Variants in KDM7A observed in about 807,000 individuals in gnomAD.
KDM7A encodes the protein lysine-specific demethylase 7A.
In KDM7A, 28 loss-of-function variants were observed where a neutral mutation model predicts 114.8. The ratio of observed to expected loss-of-function variants is 0.24; its 90% CI spans 0.18 to 0.33. KDM7A has a LOEUF of 0.33. Among genes scored for constraint, KDM7A ranks in the 10% least tolerant of loss-of-function variants. KDM7A has a pLI of 1.00. For missense variants in KDM7A, 942 were observed against 1,142.5 expected (o/e 0.82, Z 2.53); for synonymous variants, 423 against 397.8 (o/e 1.06, Z -0.75).
rs375260520 is a variant in KDM7A at position 140,097,845 on chromosome 7, T to C, written c.1919-203A>G. The stretch of plus-strand genomic sequence containing the variant: ...ATTGGCCAAGACACAGACTGAAGTA[T>C]ATTCTCAAATATTAAGTGTGGTATT... On this transcript the variant is annotated intron_variant, in intron 14 of 19. Transcript: ENST00000397560. Among the ~76,000 whole-genome samples the C allele has an allele frequency of 3.9e-5, 6 of 152,330 alleles. No homozygotes were observed. The South Asian group carries it at 6.2e-4, about 16-fold the overall frequency.
intron 7 of KDM7A, 97 bp from the exon 8 acceptor site, chr7:140,120,626 A>G (rs922527725): frequency 1.3e-5 from 9 of 706,784 alleles, no homozygotes; most frequent in Non-Finnish European, 2.3e-5. Flanking sequence ...TATCAATATC[A>G]GTTTACTTCA....
At chr7:140,127,009 G>C (rs984436245) in intron 5 of KDM7A, among the ~76,000 whole-genome samples, 186 bp from the exon 6 acceptor site, 1 of 152,240 alleles carries the variant, frequency 6.6e-6, no homozygotes. Context: ...GCCTAGGCTA[G>C]AGTGCAGTGG....
chr7:140,100,969 C>T (rs541615000), intron 12 of KDM7A, among the ~76,000 whole-genome samples: 1 of 150,594 alleles, frequency 6.6e-6, no homozygotes, highest in African/African-American at 2.4e-5. Context: ...ACCGTGGTCT[C>T]GATCTCCTGA....
At chr7:140,156,247 A>T (rs899246702) in intron 1 of KDM7A, among the ~76,000 whole-genome samples, 5 of 152,250 alleles carry the variant, frequency 3.3e-5, no homozygotes, top group African/African-American at 1.2e-4. Flanking sequence ...CAGCTTTCAT[A>T]TTCTACTTTG....
chr7:140,100,687 T>C (rs865863908), intron 12 of KDM7A, among the ~76,000 whole-genome samples: 130 of 40,852 alleles, frequency 3.2e-3, no homozygotes, highest in Non-Finnish European at 5.0e-3. Context: ...TATACATATA[T>C]ACATATATAT....
chr7:140,146,690 T>C (rs1794343283), intron 1 of KDM7A, among the ~76,000 whole-genome samples: 1 of 152,224 alleles, frequency 6.6e-6, no homozygotes, highest in Non-Finnish European at 1.5e-5. Flanking sequence ...ATCTGACCTT[T>C]GCTGAATAGC....
chr7:140,162,135 C>T (rs1459435791), intron 1 of KDM7A, among the ~76,000 whole-genome samples: 1 of 151,882 alleles, frequency 6.6e-6, no homozygotes, highest in Non-Finnish European at 1.5e-5. Flanking sequence ...TGGGAGTTTG[C>T]GACCAGCCTG....
intron 3 of KDM7A, among the ~76,000 whole-genome samples, chr7:140,132,625 C>T (rs568910683): frequency 1.6e-3 from 239 of 152,206 alleles, no homozygotes; most frequent in Non-Finnish European, 2.9e-3. Context: ...AGAATATTTG[C>T]GAATAGGGTA....
chr7:140,095,256 G>C (rs897814049), intron 17 of KDM7A, among the ~76,000 whole-genome samples: 5 of 152,176 alleles, frequency 3.3e-5, no homozygotes, highest in Non-Finnish European at 5.9e-5. Flanking sequence ...GTATTTGCCT[G>C]AATTTTGCAG....
chr7:140,138,325 T>C (rs532741061), intron 2 of KDM7A, among the ~76,000 whole-genome samples: 2 of 151,318 alleles, frequency 1.3e-5, no homozygotes, highest in Admixed American at 1.3e-4. Context: ...AAAAAAAAAA[T>C]TTATAACATA....
Position 140,126,853 on chromosome 7 carries a change from C to T in KDM7A, c.702-30G>A, listed in dbSNP as rs373615645. 4.7e-6 allele frequency: 7 copies of T among 1,481,312 alleles called. No homozygotes were observed. The African/African-American group carries it at 7.1e-5, about 15-fold the overall frequency. The allele number at this position is 1,481,312 out of a possible 1,614,324, so 91.8% of individuals were successfully genotyped here. ...CAAAAAACAAACATACACACACACC[C>T]ACATCATGCAAATTAAAAATTCTTA... is the stretch of plus-strand genomic sequence containing the variant. On this transcript the variant is annotated intron_variant, in intron 5 of 19. Coordinates refer to ENST00000397560, the MANE Select transcript of KDM7A (RefSeq NM_030647.2).
At chr7:140,165,597 C>G (rs1794565079) in intron 1 of KDM7A, among the ~76,000 whole-genome samples, 1 of 152,170 alleles carries the variant, frequency 6.6e-6, no homozygotes, top group South Asian at 2.1e-4. Flanking sequence ...ATGATGAAAT[C>G]TTGCACCATC....
At chr7:140,141,309 G>A (rs1037345581) in intron 1 of KDM7A, among the ~76,000 whole-genome samples, 2 of 151,972 alleles carry the variant, frequency 1.3e-5, no homozygotes, top group Admixed American at 1.3e-4. Context: ...GAAATGTACA[G>A]GGCCAAGAAT....
At chr7:140,146,652 A>G (rs1251070173) in intron 1 of KDM7A, among the ~76,000 whole-genome samples, 3 of 152,234 alleles carry the variant, frequency 2.0e-5, no homozygotes, top group Non-Finnish European at 4.4e-5. Flanking sequence ...GTGAGGGCAC[A>G]AGGGAGGTGT....
intron 1 of KDM7A, among the ~76,000 whole-genome samples, chr7:140,159,632 A>G (rs1212914595): frequency 3.3e-5 from 5 of 152,220 alleles, no homozygotes; most frequent in Admixed American, 1.3e-4. Flanking sequence ...TTGATCATCA[A>G]TTCACCCAAT....
intron 1 of KDM7A, among the ~76,000 whole-genome samples, chr7:140,160,601 C>T (rs1047973872): frequency 6.6e-6 from 1 of 152,166 alleles, no homozygotes; most frequent in African/African-American, 2.4e-5. Context: ...GTAGCAGTTC[C>T]CCTAGGGCTG....
chr7:140,097,310 G>A (rs774943963), intron 15 of KDM7A, among the ~76,000 whole-genome samples: 5 of 152,156 alleles, frequency 3.3e-5, no homozygotes, highest in Non-Finnish European at 7.3e-5. Flanking sequence ...AATAGTATAA[G>A]CAAAGGAGTC....
At chr7:140,143,601 AACT>A (rs1794309529) in intron 1 of KDM7A, among the ~76,000 whole-genome samples, 1 of 152,244 alleles carries the variant, frequency 6.6e-6, no homozygotes, top group Non-Finnish European at 1.5e-5. Flanking sequence ...TTAATCTAAT[AACT>A]ACAACAAAAT....
intron 2 of KDM7A, among the ~76,000 whole-genome samples, chr7:140,135,049 A>AC (rs1239146139): frequency 7.1e-6 from 1 of 141,692 alleles, no homozygotes; most frequent in African/African-American, 2.6e-5. Context: ...AAAAAAAAAA[A>AC]AAACAAACTC....
Sources: allele counts gnomAD v4.1 joint callset (sites outside exome capture counted in the v4.1 genomes callset), GRCh38; gene constraint gnomAD v4.1.1; transcripts MANE v1.5; gene names NCBI Gene and HGNC (gene_info 2026-07-23, HGNC 2026-07-21).